The following KCNK10 variants were observed in gnomAD, a reference collection of about 807,000 sequenced individuals.
KCNK10 encodes the protein potassium two pore domain channel subfamily K member 10, also known as potassium channel subfamily K member 10.
KCNK10 carries 25 observed loss-of-function variants against 47.7 expected under a neutral mutation model. The ratio of observed to expected loss-of-function variants is 0.52; its 90% CI spans 0.38 to 0.73. KCNK10 has a LOEUF of 0.73. KCNK10 is among the 30% of genes least tolerant of loss of function. The pLI, the probability that KCNK10 is intolerant of heterozygous loss-of-function variation, is 0.00. For missense variants in KCNK10, 563 were observed against 714.5 expected, an observed-to-expected ratio of 0.79 and a Z score of 2.42; for synonymous variants, 303 against 285.6, an observed-to-expected ratio of 1.06 and a Z score of -0.61.
chr14:88,240,666 C>T lies in KCNK10; in HGVS notation c.520+37G>A, dbSNP rs758357528. ...GACTAAGCGCCCTTACTCAAGATGA[C>T]CTGCAGAGGAAGAGATATTAGCAAA... On this transcript the variant is annotated intron_variant, in intron 3 of 6. Transcript: ENST00000319231. 5 of 1,331,860 alleles carry T rather than the reference C, an allele frequency of 3.8e-6. No individual in the cohort carries two copies. In the South Asian group the frequency reaches 5.9e-5, roughly 16 times the overall value. 82.5% of individuals were successfully genotyped at this position (1,331,860 alleles called of 1,614,324 possible). A position where few individuals can be genotyped will look rare whatever the true frequency, so the allele number is the denominator to read the frequency against.
At chr14:88,250,125 T>C (rs1280991329) in intron 2 of KCNK10, among the ~76,000 whole-genome samples, 2 of 152,198 alleles carry the variant, frequency 1.3e-5, no homozygotes, top group Non-Finnish European at 2.9e-5. Context: ...GGGAGTTTTT[T>C]TAGAACATTG....
At chr14:88,295,929 T>C (rs1408395467) in intron 1 of KCNK10, among the ~76,000 whole-genome samples, 1 of 152,124 alleles carries the variant, frequency 6.6e-6, no homozygotes, top group African/African-American at 2.4e-5. Context: ...GGGGGTCTAA[T>C]TAAACTAACA....
chr14:88,300,020 A>T (rs1888062190), intron 1 of KCNK10, among the ~76,000 whole-genome samples: 1 of 152,130 alleles, frequency 6.6e-6, no homozygotes, highest in Non-Finnish European at 1.5e-5. Flanking sequence ...CCTTCATGTA[A>T]CATCAGTACT....
intron 1 of KCNK10, among the ~76,000 whole-genome samples, chr14:88,285,492 T>G (rs180801255): frequency 5.9e-5 from 9 of 152,348 alleles, no homozygotes; most frequent in South Asian, 2.1e-4. Flanking sequence ...GAAAGCCATC[T>G]GTATTTGTCT....
intron 1 of KCNK10, among the ~76,000 whole-genome samples, chr14:88,302,975 C>A (rs1888133966): frequency 6.6e-6 from 1 of 152,120 alleles, no homozygotes; most frequent in Non-Finnish European, 1.5e-5. Flanking sequence ...CTTAATTGGT[C>A]CAAGCCAATA....
chr14:88,234,168 G>C (rs962796735), intron 3 of KCNK10, among the ~76,000 whole-genome samples: 1 of 152,198 alleles, frequency 6.6e-6, no homozygotes, highest in African/African-American at 2.4e-5. Context: ...AGGCCACCCA[G>C]CTTCCTTTGT....
intron 3 of KCNK10, among the ~76,000 whole-genome samples, chr14:88,234,023 G>A (rs372200521): frequency 6.6e-6 from 1 of 152,180 alleles, no homozygotes; most frequent in Admixed American, 6.5e-5. Context: ...CCTACAATGC[G>A]TGACACTTTT....
chr14:88,265,829 C>T (rs978017042), intron 1 of KCNK10, among the ~76,000 whole-genome samples: 10 of 152,202 alleles, frequency 6.6e-5, no homozygotes, highest in East Asian at 1.9e-4. Context: ...CTTGCACATG[C>T]TCTCTTGCCT....
At chr14:88,243,529 T>A (rs1042042970) in intron 2 of KCNK10, among the ~76,000 whole-genome samples, 2 of 152,204 alleles carry the variant, frequency 1.3e-5, no homozygotes, top group South Asian at 2.1e-4. Flanking sequence ...ATAGCCATTG[T>A]CCCAGAATTT....
rs1030038058 is a variant in KCNK10, at chr14:88,182,125, G to A, written c.*3410C>T. ...CCCCAAAGTGATAAATATCACTGTT[G>A]GGTTAGGACTGGGTATGGAGCTGTA... On this transcript the variant is annotated 3_prime_UTR_variant, in exon 7 of 7. Transcript: ENST00000319231. 1 of 151,948 alleles carries A rather than the reference G, an allele frequency of 6.6e-6. No homozygotes were observed. Among genetic ancestry groups the A allele is most frequent in the Middle Eastern group, 3.1e-3 (1 of 320 alleles). The allele number at this position is 151,948 out of a possible 1,614,324, so 9.4% of individuals were successfully genotyped here. A position where few individuals can be genotyped will look rare whatever the true frequency, so the allele number is the denominator to read the frequency against.
intron 4 of KCNK10, among the ~76,000 whole-genome samples, chr14:88,218,372 C>T (rs938128920): frequency 3.3e-5 from 5 of 152,136 alleles, no homozygotes; most frequent in South Asian, 2.1e-4. Context: ...CTAATTTAAC[C>T]GTATTAGCAC....
intron 2 of KCNK10, among the ~76,000 whole-genome samples, chr14:88,250,998 G>A (rs1279457675): frequency 6.6e-6 from 1 of 152,086 alleles, no homozygotes; most frequent in Non-Finnish European, 1.5e-5. Context: ...ACTTTGGGAG[G>A]CCGAGGTGGG....
chr14:88,243,461 A>G (rs1886537338), intron 2 of KCNK10, among the ~76,000 whole-genome samples: 1 of 152,194 alleles, frequency 6.6e-6, no homozygotes, highest in Non-Finnish European at 1.5e-5. Flanking sequence ...TTTGGTACCT[A>G]GAATGCATGT....
chr14:88,215,948 C>T (rs973094165), intron 4 of KCNK10, among the ~76,000 whole-genome samples: 4 of 152,184 alleles, frequency 2.6e-5, no homozygotes, highest in Non-Finnish European at 5.9e-5. Flanking sequence ...CAACAGGAAA[C>T]ACCAAAGGGA....
Position 88,236,864 on chromosome 14 carries a change from G to A in KCNK10, c.520+3839C>T, listed in dbSNP as rs572681981. Among the ~76,000 whole-genome samples, 13 of 152,242 alleles carry A rather than the reference G, an allele frequency of 8.5e-5. No homozygotes were observed. The East Asian group carries it at 1.5e-3, about 18-fold the overall frequency. On this transcript the variant is annotated intron_variant, in intron 3 of 6. Coordinates refer to ENST00000319231, the MANE Select transcript of KCNK10 (RefSeq NM_138317.3). Reference sequence around the variant, plus strand: ...AACAAGTCATAATGCTTTCGCTGGCGGAGGGTCTTCCTTTGATGTTGATGA... The same window carrying A: ...AACAAGTCATAATGCTTTCGCTGGCAGAGGGTCTTCCTTTGATGTTGATGA...
rs1359661960 is a variant in KCNK10 at position 88,185,727 on chromosome 14, G to A, written c.1440C>T (p.Thr480=). The A allele has an allele frequency of 1.2e-6, 2 of 1,614,022 alleles. No homozygotes were observed. Among genetic ancestry groups the A allele is most frequent in the African/African-American group, 1.3e-5 (1 of 74,902 alleles). The change falls in exon 7 of 7, where the codon ACC becomes ACT. Residue 480 remains threonine, a synonymous_variant. Transcript: ENST00000319231. This position sits in a 1 kb window ranked among gnomAD's most constrained non-coding sequence, Gnocchi z 4.3. ...LPEDVQKIYK[T]FRNYSLDEEK... is the part of the protein sequence containing the mutation. ...CCTCGTCCAGGGAGTAATTCCGGAA[G>A]GTCTTGTAGATTTTCTGAACGTCCT...
chr14:88,282,699 C>T (rs1887676746), intron 1 of KCNK10, among the ~76,000 whole-genome samples: 2 of 152,200 alleles, frequency 1.3e-5, no homozygotes, highest in South Asian at 4.1e-4. Context: ...TTCCTAGGAA[C>T]CCTCCAAAGA....
rs1022798597 is a variant in KCNK10, at chr14:88,322,245, T to G, written c.52+502A>C. Among the ~76,000 whole-genome samples the G allele has an allele frequency of 7.2e-5, 11 of 152,116 alleles. No individual in the cohort carries two copies. The highest frequency in any genetic ancestry group is 2.7e-4 in the African/African-American group (11 of 41,408). On this transcript the variant is annotated intron_variant, in intron 1 of 6. Transcript: ENST00000319231. This position sits in a 1 kb window ranked among gnomAD's most constrained non-coding sequence, Gnocchi z 4.8. ...GTGGGCTCCATTATTCTGCATGCCCTGCGAGAACGGCCCACCCCTAGGGAC... is the reference window on the plus strand; with the variant it reads ...GTGGGCTCCATTATTCTGCATGCCCGGCGAGAACGGCCCACCCCTAGGGAC...
chr14:88,238,821 C>T (rs561404400), intron 3 of KCNK10, among the ~76,000 whole-genome samples: 1 of 152,282 alleles, frequency 6.6e-6, no homozygotes, highest in African/African-American at 2.4e-5. Flanking sequence ...AAATGAGAGA[C>T]ATGCAACTGA....
Sources: gnomAD v4.1 joint callset for allele counts (sites outside exome capture counted in the v4.1 genomes callset) on GRCh38, gnomAD v4.1.1 for gene constraint, Gnocchi (gnomAD v3.1) non-coding constraint, MANE v1.5 for transcripts, NCBI Gene and HGNC (gene_info 2026-07-23, HGNC 2026-07-21) for gene names.